TPO: variants seen among roughly 807,000 people sequenced by gnomAD.
The protein encoded by TPO is thyroid microsomal antigen.
In TPO, 78 loss-of-function variants were observed where a neutral mutation model predicts 96.9. The observed-to-expected ratio is 0.81, with a 90% CI of 0.67 to 0.97. The LOEUF is 0.97. TPO is among the 50% of genes least tolerant of loss of function. TPO has a pLI of 0.00. For synonymous variants in TPO, 547 were observed against 538.0 expected (o/e 1.02, Z -0.23); for missense variants, 1,252 against 1,274.8 (o/e 0.98, Z 0.27).
At chr2:1,486,066 T>C (rs565261085) in intron 9 of TPO, among the ~76,000 whole-genome samples, 2 of 152,354 alleles carry the variant, frequency 1.3e-5, no homozygotes, top group Admixed American at 1.3e-4. Context: ...CCATCTTGAA[T>C]TAATTTTTGC....
intron 3 of TPO, among the ~76,000 whole-genome samples, chr2:1,430,720 G>T (rs1156498166): frequency 6.6e-6 from 1 of 152,240 alleles, no homozygotes; most frequent in Non-Finnish European, 1.5e-5. Flanking sequence ...CAGGGTACAG[G>T]ACACGGAGTC....
At chr2:1,506,903 T>C (rs1673525773) in intron 14 of TPO, among the ~76,000 whole-genome samples, 1 of 152,164 alleles carries the variant, frequency 6.6e-6, no homozygotes. Context: ...ATCCCATTTG[T>C]CAATTTTGGC....
chr2:1,484,026 A>G (rs1670884100), intron 8 of TPO, among the ~76,000 whole-genome samples: 1 of 152,190 alleles, frequency 6.6e-6, no homozygotes, highest in South Asian at 2.1e-4. Context: ...CTTAAATACC[A>G]AAACAACTTG....
chr2:1,478,414 G>A (rs1008563059), intron 8 of TPO: 53 of 983,936 alleles, frequency 5.4e-5, no homozygotes, highest in Non-Finnish European at 6.2e-5. Context: ...GGAGGTGCGC[G>A]TCAGTCCTGT....
chr2:1,400,128 A>G (rs1459679881), intron 1 of TPO, among the ~76,000 whole-genome samples: 2 of 152,158 alleles, frequency 1.3e-5, no homozygotes, highest in African/African-American at 2.4e-5. Flanking sequence ...TTGAAATGTT[A>G]TTATCAAAGA....
At chr2:1,525,351 AC>A (rs1676195297) in intron 15 of TPO, among the ~76,000 whole-genome samples, 1 of 60,738 alleles carries the variant, frequency 1.6e-5, no homozygotes, top group Non-Finnish European at 3.2e-5. Context: ...GTGCAACTCC[AC>A]CAAATCTCCC....
intron 1 of TPO, among the ~76,000 whole-genome samples, chr2:1,393,314 G>A (rs1463278513): frequency 3.9e-5 from 6 of 152,180 alleles, no homozygotes; most frequent in African/African-American, 7.2e-5. Context: ...GTGAGAAATC[G>A]CCCATGACCC....
chr2:1,489,605 C>G (rs1227082031), intron 10 of TPO, among the ~76,000 whole-genome samples: 1 of 152,164 alleles, frequency 6.6e-6, no homozygotes, highest in Admixed American at 6.5e-5. Context: ...TCACTAGCAC[C>G]CAGAACCGTC....
intron 9 of TPO, 65 bp from the exon 10 acceptor site, chr2:1,487,756 A>T: frequency 1.4e-5 from 22 of 1,554,984 alleles, no homozygotes; most frequent in Middle Eastern, 1.7e-4. Context: ...AAAAAAATTG[A>T]GATATTGTTG....
intron 1 of TPO, among the ~76,000 whole-genome samples, chr2:1,397,906 C>T (rs149021698): frequency 0.014 from 2,185 of 152,298 alleles, 61 homozygotes; most frequent in South Asian, 0.1. Flanking sequence ...TATCCAGCTC[C>T]CATGGGGCGT....
chr2:1,445,837 C>T (rs1395864484), intron 5 of TPO, among the ~76,000 whole-genome samples: 7 of 141,678 alleles, frequency 4.9e-5, no homozygotes, highest in Admixed American at 2.9e-4. Context: ...ATGGGGCAGG[C>T]TCCTTCCTGT....
intron 10 of TPO, among the ~76,000 whole-genome samples, chr2:1,489,378 C>T (rs977497086): frequency 2.0e-5 from 3 of 152,250 alleles, no homozygotes; most frequent in Admixed American, 1.3e-4. Flanking sequence ...TCAGGCCCCA[C>T]AGCTTGATCT....
chr2:1,525,894 C>CTGTGTGCAACCTCCTCAAATCCCCGTAT (rs1676346430), intron 15 of TPO, among the ~76,000 whole-genome samples: 1 of 142,586 alleles, frequency 7.0e-6, no homozygotes, highest in Non-Finnish European at 1.5e-5. Flanking sequence ...AATCCCAATA[C>CTGTGTGCAACCTCCTCAAATCCCCGTAT]TGTGTGCAAC....
intron 14 of TPO, among the ~76,000 whole-genome samples, chr2:1,513,756 T>C: frequency 6.6e-6 from 1 of 152,336 alleles, no homozygotes; most frequent in South Asian, 2.1e-4. Context: ...TAGATATAGA[T>C]AACAAATATG....
At chr2:1,404,164 A>AT (rs1268000718) in intron 1 of TPO, among the ~76,000 whole-genome samples, 2 of 152,022 alleles carry the variant, frequency 1.3e-5, no homozygotes, top group Non-Finnish European at 2.9e-5. Context: ...CCAGGCAAGC[A>AT]TTTTTTTCAC....
At chr2:1,397,632 C>T (rs1438548386) in intron 1 of TPO, among the ~76,000 whole-genome samples, 1 of 152,172 alleles carries the variant, frequency 6.6e-6, no homozygotes, top group Non-Finnish European at 1.5e-5. Flanking sequence ...GGAGTGTGGC[C>T]TGTGGAGGCA....
chr2:1,435,541 C>T lies in TPO; in HGVS notation c.350-711C>T, dbSNP rs544011245. On this transcript the variant is annotated intron_variant, in intron 4 of 16. Transcript: ENST00000329066. ...TATCTTGTTAATCAAAGTTTTGTGGCATTATCCTCAAAGATTTATATAAAC... is the reference window on the plus strand; with the variant it reads ...TATCTTGTTAATCAAAGTTTTGTGGTATTATCCTCAAAGATTTATATAAAC... Among the ~76,000 whole-genome samples the T allele has an allele frequency of 4.6e-5, 7 of 152,114 alleles. No individual in the cohort carries two copies. The South Asian group carries it at 1.5e-3, about 32-fold the overall frequency.
intron 5 of TPO, among the ~76,000 whole-genome samples, chr2:1,442,440 A>G (rs1666290593): frequency 6.6e-6 from 1 of 152,216 alleles, no homozygotes. Context: ...TAGACAGTGT[A>G]TTACATATGA....
At chr2:1,510,321 C>A (rs962874690) in intron 14 of TPO, among the ~76,000 whole-genome samples, 1 of 152,188 alleles carries the variant, frequency 6.6e-6, no homozygotes, top group African/African-American at 2.4e-5. Flanking sequence ...CAGGTGAAGG[C>A]AGTGGGGCAT....
Sources: gnomAD v4.1 joint callset for allele counts (sites outside exome capture counted in the v4.1 genomes callset) on GRCh38, gnomAD v4.1.1 for gene constraint, MANE v1.5 for transcripts, NCBI Gene and HGNC (gene_info 2026-07-23, HGNC 2026-07-21) for gene names.